KIAA1217: variants seen among roughly 807,000 people sequenced by gnomAD.
KIAA1217 encodes sickle tail protein homolog.
A neutral mutation model predicts 163.9 loss-of-function variants in KIAA1217; 88 were observed. The ratio of observed to expected loss-of-function variants is 0.54; its 90% CI spans 0.45 to 0.64. The LOEUF (loss-of-function observed/expected upper bound fraction) is 0.64, where lower values mean the gene tolerates loss of function less well. Ranked by LOEUF, KIAA1217 falls within the 30% of genes least tolerant of loss-of-function variation. The pLI, the probability that KIAA1217 is intolerant of heterozygous loss-of-function variation, is 0.00. For synonymous variants in KIAA1217, 903 were observed against 923.1 expected (o/e 0.98, Z 0.39); for missense variants, 2,372 against 2,475.0 (o/e 0.96, Z 0.88).
intron 2 of KIAA1217, among the ~76,000 whole-genome samples, chr10:24,265,310 A>G (rs1015134506): frequency 5.3e-5 from 8 of 152,208 alleles, no homozygotes; most frequent in Non-Finnish European, 1.0e-4. Flanking sequence ...TCAAATAACA[A>G]TCGTCTTCAT....
intron 1 of KIAA1217, among the ~76,000 whole-genome samples, chr10:24,212,739 G>T (rs962015209): frequency 1.3e-5 from 2 of 152,086 alleles, no homozygotes; most frequent in African/African-American, 4.8e-5. Flanking sequence ...ATTCTCTCTT[G>T]TGTCTGCCTG....
intron 2 of KIAA1217, among the ~76,000 whole-genome samples, chr10:24,175,900 G>C (rs564939446): frequency 6.6e-6 from 1 of 152,218 alleles, no homozygotes; most frequent in Non-Finnish European, 1.5e-5. Flanking sequence ...TCCACCATGA[G>C]TGTTACAGCT....
Position 24,407,593 on chromosome 10 carries a change from C to A in KIAA1217, c.554-25402C>A, listed in dbSNP as rs1406453834. 7.9e-5 allele frequency among the ~76,000 whole-genome samples: 12 copies of A among 152,228 alleles called. No individual in the cohort carries two copies. The East Asian group carries it at 2.3e-3, about 29-fold the overall frequency. On this transcript the variant is annotated intron_variant, in intron 3 of 20. Coordinates refer to ENST00000376454, the MANE Select transcript of KIAA1217 (RefSeq NM_019590.5). ...AATCTTAGAATGATAGGGTGTGAGC[C>A]CCCACGCCCAGCCAATAGCTATTCT...
rs2131544353 is a variant in KIAA1217, at chr10:24,034,629, A to T, written c.-171+27255A>T. Among the ~76,000 whole-genome samples, 3 of 152,074 alleles carry T rather than the reference A, an allele frequency of 2.0e-5. No individual in the cohort carries two copies. In the Middle Eastern group the frequency reaches 0.01, roughly 521 times the overall value. ...AAGCTACCAGGTTGTTTGTCTTGAC[A>T]TCTGGCCAGAAAGCAAGATCAGGAG... On this transcript the variant is annotated intron_variant, in intron 2 of 18. Transcript: ENST00000376462.
At chr10:23,716,241 A>G (rs576517971) in intron 1 of KIAA1217, among the ~76,000 whole-genome samples, 2 of 152,292 alleles carry the variant, frequency 1.3e-5, no homozygotes, top group South Asian at 4.1e-4. Context: ...AAATAAATGA[A>G]CAATAGCTTT....
rs925937705 is a variant in KIAA1217 at position 24,092,570 on chromosome 10, A to G, written c.-171+85196A>G. ...TGTACACCATGGAACACTACTCAACAATGGAAAGGACTGAACTGTTCACTC... is the reference window on the plus strand; with the variant it reads ...TGTACACCATGGAACACTACTCAACGATGGAAAGGACTGAACTGTTCACTC... On this transcript the variant is annotated intron_variant, in intron 2 of 18. Transcript: ENST00000376462. Among the ~76,000 whole-genome samples, 5 of 151,834 alleles carry G rather than the reference A, an allele frequency of 3.3e-5. 1 individual carries two copies. Among genetic ancestry groups the G allele is most frequent in the African/African-American group, 9.7e-5 (4 of 41,114 alleles).
intron 2 of KIAA1217, among the ~76,000 whole-genome samples, chr10:24,131,534 G>A (rs2131808402): frequency 6.6e-6 from 1 of 152,264 alleles, no homozygotes; most frequent in Non-Finnish European, 1.5e-5. Context: ...CTGAACTGCA[G>A]CCCTTTGGAA....
chr10:23,714,400 G>A (rs1307054260), intron 1 of KIAA1217, among the ~76,000 whole-genome samples: 2 of 152,106 alleles, frequency 1.3e-5, no homozygotes, highest in Non-Finnish European at 1.5e-5. Context: ...AGCCAAGCAA[G>A]GATGAGAACT....
At chr10:24,440,045 G>A (rs1045369480) in intron 5 of KIAA1217, among the ~76,000 whole-genome samples, 10 of 152,190 alleles carry the variant, frequency 6.6e-5, no homozygotes, top group Non-Finnish European at 1.3e-4. Context: ...CTTCTGGACT[G>A]GAATATGAAT....
At chr10:23,825,364 C>T (rs1837850292) in intron 1 of KIAA1217, among the ~76,000 whole-genome samples, 1 of 152,092 alleles carries the variant, frequency 6.6e-6, no homozygotes, top group African/African-American at 2.4e-5. Flanking sequence ...TCAGCTTTTC[C>T]TTATCTTTGC....
chr10:24,227,143 G>T (rs2070682582), intron 2 of KIAA1217, among the ~76,000 whole-genome samples: 2 of 148,848 alleles, frequency 1.3e-5, no homozygotes, highest in Admixed American at 6.7e-5. Context: ...GATATAAAGG[G>T]ATTATTATTA....
At chr10:24,034,858 C>G (rs1216712261) in intron 2 of KIAA1217, among the ~76,000 whole-genome samples, 1 of 151,262 alleles carries the variant, frequency 6.6e-6, no homozygotes. Context: ...ATGTTGTTCT[C>G]CCAGATCAGA....
chr10:23,731,522 A>G (rs12415140), intron 1 of KIAA1217, among the ~76,000 whole-genome samples: 3,322 of 152,204 alleles, frequency 0.022, 75 homozygotes, highest in Admixed American at 0.073. Flanking sequence ...TGCTTGGTCC[A>G]TATCAGTGGT....
chr10:24,019,061 A>G (rs1847619264), intron 2 of KIAA1217, among the ~76,000 whole-genome samples: 2 of 152,068 alleles, frequency 1.3e-5, no homozygotes, highest in South Asian at 4.1e-4. Flanking sequence ...AGGAGCAGGG[A>G]GATGTCACTT....
At chr10:24,160,096 A>G (rs573245473) in intron 2 of KIAA1217, among the ~76,000 whole-genome samples, 1 of 152,244 alleles carries the variant, frequency 6.6e-6, no homozygotes, top group East Asian at 1.9e-4. Context: ...TGTTAATTCC[A>G]TGCTGTCTGG....
chr10:23,703,094 C>G (rs1836591677), intron 1 of KIAA1217, among the ~76,000 whole-genome samples: 1 of 152,124 alleles, frequency 6.6e-6, no homozygotes, highest in Non-Finnish European at 1.5e-5. Context: ...CATCTTCCCT[C>G]CATGCCCTGG....
Position 23,995,847 on chromosome 10 carries a change from A to G in KIAA1217, c.-320-11378A>G, listed in dbSNP as rs185518691. Among the ~76,000 whole-genome samples the G allele has an allele frequency of 3.4e-3, 525 of 152,318 alleles. 3 individuals carry two copies. Among genetic ancestry groups the G allele is most frequent in the African/African-American group, 0.012 (504 of 41,566 alleles). ...GGCAAGGTTAAGCGTATGGCTGAAC[A>G]TGCTCAGCACAGGACAGTGATTTGC... On this transcript the variant is annotated intron_variant, in intron 1 of 18. Transcript: ENST00000376462.
chr10:23,934,879 A>T (rs1843457947), intron 1 of KIAA1217, among the ~76,000 whole-genome samples: 2 of 151,656 alleles, frequency 1.3e-5, no homozygotes. Context: ...GGCCTCCCAC[A>T]GTGCTGGGAT....
At chr10:24,337,094 A>G (rs749774935) in intron 2 of KIAA1217, among the ~76,000 whole-genome samples, 3 of 152,238 alleles carry the variant, frequency 2.0e-5, no homozygotes, top group Non-Finnish European at 4.4e-5. Context: ...TTTATGCGTC[A>G]AAGGACACTA....
Sources: gnomAD v4.1 joint callset for allele counts (sites outside exome capture counted in the v4.1 genomes callset) on GRCh38, gnomAD v4.1.1 for gene constraint, MANE v1.5 for transcripts, NCBI Gene and HGNC (gene_info 2026-07-23, HGNC 2026-07-21) for gene names.